CAPN5: variants seen among roughly 807,000 people sequenced by gnomAD.
The protein encoded by CAPN5 is calpain-5.
Under a neutral mutation model 73.0 loss-of-function variants are expected in CAPN5, and 54 were observed. The observed-to-expected ratio is 0.74, with a 90% CI of 0.59 to 0.93. CAPN5 has a LOEUF of 0.93. Among genes scored for constraint, CAPN5 ranks in the 40% least tolerant of loss-of-function variants. The pLI is 0.00. For synonymous variants in CAPN5, 335 were observed against 356.9 expected (o/e 0.94, Z 0.69); for missense variants, 785 against 882.9 (o/e 0.89, Z 1.41).
chr11:77,122,682 C>T lies in CAPN5; in HGVS notation c.1710C>T (p.Arg570=). Residue 570 remains arginine, a synonymous_variant, in exon 12 of 13, where the codon CGC becomes CGT. Coordinates refer to ENST00000648180, the MANE Select transcript of CAPN5 (RefSeq NM_004055.5). ...ACAATGTGAAAGGCATCTTCTACCG[C>T]AAGAAGCTGAGCCAGCCCATCACTG... is the stretch of plus-strand genomic sequence containing the variant. ...PEYNVKGIFY[R]KKLSQPITVQ... The T allele has an allele frequency of 1.2e-6, 2 of 1,613,832 alleles. No individual in the cohort carries two copies. Among genetic ancestry groups the T allele is most frequent in the East Asian group, 2.2e-5 (1 of 44,880 alleles).
chr11:77,068,337 G>A (rs1464787801), intron 1 of CAPN5, among the ~76,000 whole-genome samples: 3 of 152,150 alleles, frequency 2.0e-5, no homozygotes, highest in African/African-American at 7.2e-5. Flanking sequence ...CCTCTCTTCT[G>A]ACAAGACAGG....
At chr11:77,106,303 G>T (rs566417836) in intron 3 of CAPN5, among the ~76,000 whole-genome samples, 8 of 94,512 alleles carry the variant, frequency 8.5e-5, no homozygotes, top group African/African-American at 3.0e-4. Flanking sequence ...CTGCCTCCCT[G>T]ACACCCCCTC....
At chr11:77,107,625 G>A (rs1950365418) in intron 3 of CAPN5, among the ~76,000 whole-genome samples, 1 of 152,186 alleles carries the variant, frequency 6.6e-6, no homozygotes, top group African/African-American at 2.4e-5. Flanking sequence ...CCAGGAGCCA[G>A]GGATGCTGTG....
chr11:77,112,863 G>A (rs1430003312), intron 4 of CAPN5, 66 bp downstream of exon 4: 30 of 1,435,742 alleles, frequency 2.1e-5, no homozygotes, highest in Middle Eastern at 1.8e-4. Context: ...TGGGCTCCTC[G>A]TGGTATTCCG....
chr11:77,075,968 C>A (rs560019210), intron 1 of CAPN5, among the ~76,000 whole-genome samples: 47 of 152,214 alleles, frequency 3.1e-4, no homozygotes, highest in African/African-American at 1.1e-3. Flanking sequence ...TTATCATGTA[C>A]AATGTAATAT....
chr11:77,105,746 G>T (rs1177090245), intron 3 of CAPN5, among the ~76,000 whole-genome samples: 1 of 152,172 alleles, frequency 6.6e-6, no homozygotes, highest in African/African-American at 2.4e-5. Flanking sequence ...TCAAACCTGT[G>T]CTGGGCTAGA....
intron 2 of CAPN5, 78 bp from the exon 3 acceptor site, chr11:77,093,604 T>TGTC (rs1465032461): frequency 2.5e-6 from 3 of 1,208,272 alleles, no homozygotes; most frequent in South Asian, 2.9e-5. Flanking sequence ...GTCACGTCTG[T>TGTC]GTCTGTCATG....
At chr11:77,114,536 A>T in intron 5 of CAPN5, 102 bp downstream of exon 5, 1 of 1,058,996 alleles carries the variant, frequency 9.4e-7, no homozygotes, top group Non-Finnish European at 1.4e-6. Flanking sequence ...GCTCCTACGT[A>T]TTCAGACCCT....
intron 3 of CAPN5, among the ~76,000 whole-genome samples, chr11:77,096,236 C>T (rs1231586235): frequency 2.0e-5 from 3 of 152,242 alleles, no homozygotes; most frequent in African/African-American, 4.8e-5. Flanking sequence ...ATCACATCCT[C>T]GACACACACG....
chr11:77,116,428 G>C, intron 7 of CAPN5, 125 bp downstream of exon 7: 1 of 744,234 alleles, frequency 1.3e-6, no homozygotes, highest in Admixed American at 2.1e-5. Flanking sequence ...TTTGCTGTGT[G>C]GCCTTGGACA....
intron 9 of CAPN5, 24 bp from the exon 10 acceptor site, chr11:77,120,689 C>T (rs782518935): frequency 6.3e-7 from 1 of 1,577,476 alleles, no homozygotes. Context: ...CTCCGCGTGG[C>T]CCAGCCCCTC....
At chr11:77,083,123 C>T (rs1950044524) in intron 1 of CAPN5, among the ~76,000 whole-genome samples, 2 of 152,184 alleles carry the variant, frequency 1.3e-5, no homozygotes. Context: ...GAGGGGCAGC[C>T]AGAGAAGTTA....
intron 9 of CAPN5, 69 bp downstream of exon 9, chr11:77,119,221 C>G (rs1226468607): frequency 6.5e-7 from 1 of 1,528,418 alleles, no homozygotes. Context: ...CTGCCCATGC[C>G]TGAGGAAGAA....
At chr11:77,116,370 C>T in intron 7 of CAPN5, 67 bp downstream of exon 7, 1 of 1,307,576 alleles carries the variant, frequency 7.6e-7, no homozygotes. Flanking sequence ...CGGGGAGCAC[C>T]AGGTGGGGAG....
intron 1 of CAPN5, among the ~76,000 whole-genome samples, chr11:77,078,253 T>C (rs1199257863): frequency 2.0e-5 from 3 of 152,234 alleles, no homozygotes; most frequent in African/African-American, 4.8e-5. Context: ...CGATGAGAGA[T>C]AGGGAAACTT....
rs187365509 is a variant in CAPN5 at position 77,107,594 on chromosome 11, G to A, written c.298-4995G>A. ...TTTAAGAGCAGCCACTTGGGTCTAG[G>A]TGGGAGTCTCCAGGGACAATCCAGG... On this transcript the variant is annotated intron_variant, in intron 3 of 12. Coordinates refer to ENST00000648180, the MANE Select transcript of CAPN5 (RefSeq NM_004055.5). Among the ~76,000 whole-genome samples the A allele has an allele frequency of 1.2e-3, 189 of 152,266 alleles. 1 individual carries two copies. Among genetic ancestry groups the A allele is most frequent in the African/African-American group, 3.4e-3 (140 of 41,560 alleles).
At chr11:77,105,114 T>C (rs2135461575) in intron 3 of CAPN5, among the ~76,000 whole-genome samples, 1 of 151,600 alleles carries the variant, frequency 6.6e-6, no homozygotes, top group Non-Finnish European at 1.5e-5. Flanking sequence ...ACCCTCTTAG[T>C]CCCGACTGCC....
rs1555042721 is a variant in CAPN5 at position 77,120,898 on chromosome 11, C to T, written c.1476C>T (p.Pro492=). The stretch of plus-strand genomic sequence containing the variant: ...TGCTCCGAGTCTTCACTGATGTGCC[C>T]TCCAACTGCCGGTACTTGGGGGCTG... ...EFLLRVFTDV[P]SNCRELRLDE... The change falls in exon 10 of 13, where the codon CCC becomes CCT. Residue 492 remains proline, a synonymous_variant. Transcript: ENST00000648180. The T allele has an allele frequency of 9.3e-6, 15 of 1,612,610 alleles. No individual in the cohort carries two copies. Among genetic ancestry groups the T allele is most frequent in the African/African-American group, 1.3e-5 (1 of 75,044 alleles).
chr11:77,074,810 G>T lies in CAPN5; in HGVS notation c.-36+7716G>T, dbSNP rs1412790693. On this transcript the variant is annotated intron_variant, in intron 1 of 12. Coordinates refer to ENST00000648180, the MANE Select transcript of CAPN5 (RefSeq NM_004055.5). ...GCTTTGCGCTGGGCACCACTGTGGG[G>T]TACGGGGCAGTGGAGCACAGGAGAA... Among the ~76,000 whole-genome samples the T allele has an allele frequency of 5.9e-5, 9 of 152,154 alleles. No homozygotes were observed. The South Asian group carries it at 6.2e-4, about 11-fold the overall frequency.
Sources: gnomAD v4.1 joint callset for allele counts (sites outside exome capture counted in the v4.1 genomes callset) on GRCh38, gnomAD v4.1.1 for gene constraint, MANE v1.5 for transcripts, NCBI Gene and HGNC (gene_info 2026-07-23, HGNC 2026-07-21) for gene names.